The following FCGRT variants were observed in gnomAD, a reference collection of about 807,000 sequenced individuals.
The protein encoded by FCGRT is Fc gamma receptor and transporter, also known as IgG receptor FcRn large subunit p51.
In FCGRT, 13 loss-of-function variants were observed where a neutral mutation model predicts 35.7. The ratio of observed to expected loss-of-function variants is 0.36; its 90% CI spans 0.24 to 0.58. FCGRT has a LOEUF of 0.58. FCGRT is among the 20% of genes least tolerant of loss of function. The pLI is 0.77. For missense variants in FCGRT, 455 were observed against 474.9 expected, an observed-to-expected ratio of 0.96 and a Z score of 0.39; for synonymous variants, 233 against 216.5, an observed-to-expected ratio of 1.08 and a Z score of -0.67.
chr19:49,513,117 A>G (rs1175624787), intron 1 of FCGRT: 1 of 101,982 alleles, frequency 9.8e-6, no homozygotes. Context: ...GGTCTGAGGG[A>G]GGAGGGGCTG....
rs1384218624 is a variant in FCGRT, at chr19:49,514,341, G to T, written c.456G>T (p.Gly152=). 1 of 1,613,578 alleles carries T rather than the reference G, an allele frequency of 6.2e-7. No individual in the cohort carries two copies. The highest frequency in any genetic ancestry group is 1.1e-5 in the South Asian group (1 of 90,950). The change falls in exon 4 of 7, where the codon GGG becomes GGT. Residue 152 remains glycine (G), a synonymous_variant. Transcript: ENST00000221466. ...NFDLKQGTWG[G]DWPEALAISQ... is the part of the protein sequence containing the mutation. ...ACCTCAAGCAGGGCACCTGGGGTGGGGACTGGCCCGAGGCCCTGGCTATCA... is the reference window on the plus strand; with the variant it reads ...ACCTCAAGCAGGGCACCTGGGGTGGTGACTGGCCCGAGGCCCTGGCTATCA...
In FCGRT at chr19:49,526,049, T is replaced by C; in HGVS notation, c.1028T>C (p.Leu343Pro). The change falls in exon 7 of 7, where the codon CTC becomes CCC. Residue 343 changes from leucine to proline, a missense_variant. This residue lies in a region of FCGRT where 312 missense variants were observed against 296.1 expected (regional missense o/e 1.05). Transcript: ENST00000221466. ...CTTCGTGGAGACGACACCGGGGTCCTCCTGCCCACCCCAGGGGAGGCCCAG... is the reference window on the plus strand; with the variant it reads ...CTTCGTGGAGACGACACCGGGGTCCCCCTGCCCACCCCAGGGGAGGCCCAG... ...ISLRGDDTGV[L>P]LPTPGEAQDA... The C allele has an allele frequency of 6.2e-7, 1 of 1,613,608 alleles. No homozygotes were observed.
intron 4 of FCGRT, among the ~76,000 whole-genome samples, chr19:49,518,115 A>C (rs1233274745): frequency 1.3e-5 from 2 of 152,036 alleles, no homozygotes; most frequent in African/African-American, 4.8e-5. Flanking sequence ...GCCCAGCCAG[A>C]CTGTTTTGTT....
intron 4 of FCGRT, among the ~76,000 whole-genome samples, chr19:49,520,148 T>TTTTTTTTTGTGG (rs2080032565): frequency 7.2e-6 from 1 of 138,716 alleles, no homozygotes; most frequent in African/African-American, 2.8e-5. Flanking sequence ...TTTTTTTTTT[T>TTTTTTTTTGTGG]GAGAGGGCGT....
Position 49,526,171 on chromosome 19 carries a change from C to A in FCGRT, c.*52C>A. ...CGAATGTAGTCAGGCCCCTTTCATGCTGTGAGACCTCCTGGAACACTGGCA... is the reference window on the plus strand; with the variant it reads ...CGAATGTAGTCAGGCCCCTTTCATGATGTGAGACCTCCTGGAACACTGGCA... On this transcript the variant is annotated 3_prime_UTR_variant, in exon 7 of 7. Coordinates refer to ENST00000221466, the MANE Select transcript of FCGRT (RefSeq NM_001136019.3). 1 of 1,174,130 alleles carries A rather than the reference C, an allele frequency of 8.5e-7. No individual in the cohort carries two copies. Among genetic ancestry groups the A allele is most frequent in the Non-Finnish European group, 1.3e-6 (1 of 783,040 alleles). The allele number at this position is 1,174,130 out of a possible 1,614,324, so 72.7% of individuals were successfully genotyped here.
chr19:49,523,896 C>T (rs2080057053), intron 4 of FCGRT, among the ~76,000 whole-genome samples: 1 of 151,280 alleles, frequency 6.6e-6, no homozygotes, highest in South Asian at 2.1e-4. Flanking sequence ...TATAGGACTA[C>T]AGACGTTTTA....
At chr19:49,518,061 A>G (rs1390600304) in intron 4 of FCGRT, among the ~76,000 whole-genome samples, 1 of 152,086 alleles carries the variant, frequency 6.6e-6, no homozygotes, top group Non-Finnish European at 1.5e-5. Context: ...CTCCACCTCA[A>G]GTGATCTGCC....
Position 49,524,576 on chromosome 19 carries a change from TCTC to T in FCGRT, c.674_676del (p.Ser225del), listed in dbSNP as rs2080061722. 3.1e-6 allele frequency: 5 copies of T among 1,613,002 alleles called. No individual in the cohort carries two copies. The highest frequency in any genetic ancestry group is 3.4e-6 in the Non-Finnish European group (4 of 1,179,994). Reference sequence around the variant, plus strand: ...TTTTCCGTGCTTACCTGCAGCGCCTTCTCCTTCTACCCTCCGGAGCTGCAACTT... The same window carrying T: ...TTTTCCGTGCTTACCTGCAGCGCCTTCTTCTACCCTCCGGAGCTGCAACTT... On this transcript the variant is annotated inframe_deletion, in exon 5 of 7. Coordinates refer to ENST00000221466, the MANE Select transcript of FCGRT (RefSeq NM_001136019.3).
intron 4 of FCGRT, among the ~76,000 whole-genome samples, chr19:49,517,440 G>A (rs1025869044): frequency 6.6e-5 from 10 of 151,258 alleles, no homozygotes; most frequent in Admixed American, 2.0e-4. Context: ...GCAGTGAGCC[G>A]AGATCAAGCC....
At chr19:49,516,927 C>T (rs775943617) in intron 4 of FCGRT, among the ~76,000 whole-genome samples, 6 of 152,084 alleles carry the variant, frequency 3.9e-5, no homozygotes, top group Non-Finnish European at 8.8e-5. Flanking sequence ...CGGTGGCTCA[C>T]GCCTATAATC....
Position 49,513,465 on chromosome 19 carries a change from T to A in FCGRT, c.65T>A (p.Leu22Gln). 1 of 1,243,018 alleles carries A rather than the reference T, an allele frequency of 8.0e-7. No homozygotes were observed. The highest frequency in any genetic ancestry group is 1.0e-6 in the Non-Finnish European group (1 of 987,828). The allele number at this position is 1,243,018 out of a possible 1,614,324, so 77.0% of individuals were successfully genotyped here. A position where few individuals can be genotyped will look rare whatever the true frequency, so the allele number is the denominator to read the frequency against. ...GLLLFLLPGS[L>Q]GAESHLSLLY... The stretch of plus-strand genomic sequence containing the variant: ...CTGCTCTTTCTCCTTCCTGGGAGCC[T>A]GGGCGCAGGTGAGGGCCGCTCCGGG... The change falls in exon 2 of 7, where the codon CTG becomes CAG. Residue 22 changes from leucine to glutamine, a missense_variant. Coordinates refer to ENST00000221466, the MANE Select transcript of FCGRT (RefSeq NM_001136019.3).
chr19:49,525,283 C>G (rs528598776), intron 5 of FCGRT, 174 bp from the exon 6 acceptor site: 5 of 643,278 alleles, frequency 7.8e-6, no homozygotes, highest in East Asian at 5.6e-5. Flanking sequence ...CTGGTTCTTA[C>G]GTCCAACCTG....
At chr19:49,525,824 A>G (rs1423195798) in intron 6 of FCGRT, 186 bp from the exon 7 acceptor site, 2 of 664,820 alleles carry the variant, frequency 3.0e-6, no homozygotes, top group Non-Finnish European at 5.4e-6. Context: ...ACAGACCCAG[A>G]GGAGGGAGGC....
rs547210595 is a variant in FCGRT, at chr19:49,523,185, T to C, written c.602-1322T>C. On this transcript the variant is annotated intron_variant, in intron 4 of 6. Coordinates refer to ENST00000221466, the MANE Select transcript of FCGRT (RefSeq NM_001136019.3). ...ATGGCCTGAAGAGTTAGTGTAGGAATAGAATCATTTCTACATTGGAAGAAT... is the reference window on the plus strand; with the variant it reads ...ATGGCCTGAAGAGTTAGTGTAGGAACAGAATCATTTCTACATTGGAAGAAT... 1.1e-4 allele frequency among the ~76,000 whole-genome samples: 16 copies of C among 152,288 alleles called. No individual in the cohort carries two copies. In the East Asian group the frequency reaches 3.1e-3, roughly 29 times the overall value.
rs1036934411 is a variant in FCGRT, at chr19:49,513,328, C to T, written c.-14-59C>T. ...CTGGTCCCGGCCGTGCCCGCGGTGT[C>T]CCGGGAGGAAGGGGCGGGCCGGGGG... is the stretch of plus-strand genomic sequence containing the variant. On this transcript the variant is annotated intron_variant, in intron 1 of 6. Transcript: ENST00000221466. 1.1e-5 allele frequency: 10 copies of T among 894,976 alleles called. No individual in the cohort carries two copies. The South Asian group carries it at 5.3e-4, about 48-fold the overall frequency. 55.4% of individuals were successfully genotyped at this position (894,976 alleles called of 1,614,324 possible). A position where few individuals can be genotyped will look rare whatever the true frequency, so the allele number is the denominator to read the frequency against.
In FCGRT at chr19:49,514,075, A is replaced by G; in HGVS notation, c.267A>G (p.Thr89=). The change falls in exon 3 of 7, where the codon ACA becomes ACG. Residue 89 remains threonine (T), a synonymous_variant. Coordinates refer to ENST00000221466, the MANE Select transcript of FCGRT (RefSeq NM_001136019.3). The part of the protein sequence containing the change: ...QVSWYWEKET[T]DLRIKEKLFL... ...CCTGGTATTGGGAGAAAGAGACCAC[A>G]GATCTGAGGATCAAGGAGAAGCTCT... 1 of 1,611,644 alleles carries G rather than the reference A, an allele frequency of 6.2e-7. No homozygotes were observed. The highest frequency in any genetic ancestry group is 8.5e-7 in the Non-Finnish European group (1 of 1,179,976).
At chr19:49,525,618 C>A in intron 6 of FCGRT, 45 bp downstream of exon 6, 1 of 1,367,014 alleles carries the variant, frequency 7.3e-7, no homozygotes, top group Non-Finnish European at 1.0e-6. Flanking sequence ...GGGACAGAGA[C>A]CCCAAGAGAG....
At chr19:49,521,683 T>TC (rs2080042314) in intron 4 of FCGRT, 1 of 150,722 alleles carries the variant, frequency 6.6e-6, no homozygotes, top group African/African-American at 2.4e-5. Context: ...TTTTTTTTTT[T>TC]CTTTGAGACA....
At chr19:49,525,928 C>G (rs2080073786) in intron 6 of FCGRT, 82 bp from the exon 7 acceptor site, 8 of 846,770 alleles carry the variant, frequency 9.4e-6, no homozygotes, top group South Asian at 5.3e-5. Context: ...GTGTGTGAGA[C>G]ACACACACAA....
Sources: allele counts gnomAD v4.1 joint callset (sites outside exome capture counted in the v4.1 genomes callset), GRCh38; gene constraint gnomAD v4.1.1; regional missense constraint gnomAD v4.1.1; transcripts MANE v1.5; gene names NCBI Gene and HGNC (gene_info 2026-07-23, HGNC 2026-07-21).